The following MAD1L1 variants were observed in gnomAD, a reference collection of about 807,000 sequenced individuals.
MAD1L1 encodes mitotic arrest deficient 1 like 1.
In MAD1L1, 95 loss-of-function variants were observed where a neutral mutation model predicts 96.9. That is an observed-to-expected ratio of 0.98 (90% CI 0.83 to 1.16). The LOEUF is 1.16. Among genes scored for constraint, MAD1L1 ranks in the 50% most tolerant of loss-of-function variants. The probability of loss-of-function intolerance (pLI) is 0.00; values close to 1 mark genes in which losing one functional copy is unlikely to be tolerated. For synonymous variants in MAD1L1, 473 were observed against 396.6 expected, an observed-to-expected ratio of 1.19 and a Z score of -2.29; for missense variants, 1,007 against 954.4, an observed-to-expected ratio of 1.06 and a Z score of -0.73.
Position 1,831,251 on chromosome 7 carries a change from A to G in MAD1L1, c.1999-15023T>C, listed in dbSNP as rs866627145. Among the ~76,000 whole-genome samples, 7 of 152,326 alleles carry G rather than the reference A, an allele frequency of 4.6e-5. 1 individual carries two copies. In the Middle Eastern group the frequency reaches 0.014, roughly 296 times the overall value. ...TATTTCCAACTTTTTCATTACTAGT[A>G]TATCTTTTATGGTACTCTGTCATCT... On this transcript the variant is annotated intron_variant, in intron 18 of 18. Transcript: ENST00000265854.
intron 12 of MAD1L1, among the ~76,000 whole-genome samples, chr7:2,040,413 A>G (rs1489217558): frequency 6.6e-6 from 1 of 152,060 alleles, no homozygotes; most frequent in Non-Finnish European, 1.5e-5. Flanking sequence ...CCCAGGTCTC[A>G]TCGGTGTCGG....
chr7:1,853,527 C>A (rs1784087787), intron 18 of MAD1L1, among the ~76,000 whole-genome samples: 1 of 152,188 alleles, frequency 6.6e-6, no homozygotes, highest in Non-Finnish European at 1.5e-5. Flanking sequence ...CACAGAGGAC[C>A]TTATGCCATG....
At chr7:2,219,496 A>G in intron 5 of MAD1L1, 40 bp from the exon 6 acceptor site, 3 of 1,602,382 alleles carry the variant, frequency 1.9e-6, no homozygotes, top group Non-Finnish European at 1.7e-6. Flanking sequence ...CAGTGAGTGG[A>G]GCCCGTGCGT....
intron 12 of MAD1L1, among the ~76,000 whole-genome samples, chr7:2,055,148 C>A (rs566777205): frequency 6.6e-6 from 1 of 152,264 alleles, no homozygotes; most frequent in East Asian, 1.9e-4. Context: ...CGAGGCGGTG[C>A]GTGCCACGAC....
intron 17 of MAD1L1, among the ~76,000 whole-genome samples, chr7:1,933,661 G>A (rs1789610416): frequency 6.6e-6 from 1 of 152,246 alleles, no homozygotes; most frequent in Non-Finnish European, 1.5e-5. Context: ...TCCCAGGGAG[G>A]CAGCGGCCGA....
At chr7:2,008,682 C>T (rs1198024400) in intron 13 of MAD1L1, among the ~76,000 whole-genome samples, 5 of 152,304 alleles carry the variant, frequency 3.3e-5, no homozygotes, top group East Asian at 1.9e-4. Context: ...CAGCCCACCC[C>T]GGGCTGGGTG....
At chr7:2,222,239 A>G (rs1038491394) in intron 5 of MAD1L1, among the ~76,000 whole-genome samples, 3 of 151,840 alleles carry the variant, frequency 2.0e-5, no homozygotes, top group African/African-American at 4.8e-5. Flanking sequence ...ACCACCACGC[A>G]TGGCTAATTT....
In MAD1L1 at chr7:1,892,632, G is replaced by A. The variant is rs118052512; in HGVS notation, c.1998+5568C>T. Among the ~76,000 whole-genome samples, 210 of 152,264 alleles carry A rather than the reference G, an allele frequency of 1.4e-3. 7 individuals are homozygous for A. The East Asian group carries it at 0.034, about 25-fold the overall frequency. On this transcript the variant is annotated intron_variant, in intron 18 of 18. Transcript: ENST00000265854. Reference sequence around the variant, plus strand: ...GGAACATTCCCGACTTCAGGTTTTCGAATCGGGGAGGCTGGACCTGTATAC... The same window carrying A: ...GGAACATTCCCGACTTCAGGTTTTCAAATCGGGGAGGCTGGACCTGTATAC...
intron 16 of MAD1L1, among the ~76,000 whole-genome samples, chr7:1,951,931 T>C (rs967069275): frequency 9.2e-5 from 14 of 152,184 alleles, no homozygotes; most frequent in African/African-American, 2.4e-4. Context: ...TCCCTGCTTT[T>C]GGTTCTTCTG....
At chr7:2,049,666 G>A (rs1390747783) in intron 12 of MAD1L1, among the ~76,000 whole-genome samples, 1 of 152,224 alleles carries the variant, frequency 6.6e-6, no homozygotes, top group Non-Finnish European at 1.5e-5. Flanking sequence ...CACCCAAGGG[G>A]CACTGGGCAC....
intron 18 of MAD1L1, among the ~76,000 whole-genome samples, chr7:1,873,089 C>G (rs375934525): frequency 6.6e-6 from 1 of 152,242 alleles, no homozygotes; most frequent in Non-Finnish European, 1.5e-5. Context: ...CATGCCGAGC[C>G]GTGGAGGAGC....
chr7:1,942,466 T>C (rs1779046526), intron 16 of MAD1L1, among the ~76,000 whole-genome samples: 1 of 152,196 alleles, frequency 6.6e-6, no homozygotes, highest in Non-Finnish European at 1.5e-5. Flanking sequence ...CAGCAGGTGC[T>C]GGAAGTGCAG....
intron 18 of MAD1L1, among the ~76,000 whole-genome samples, chr7:1,879,331 T>C (rs943824686): frequency 2.6e-5 from 4 of 152,008 alleles, no homozygotes; most frequent in Admixed American, 6.6e-5. Context: ...GGCAGGCGCC[T>C]GTAATCCTAG....
intron 12 of MAD1L1, among the ~76,000 whole-genome samples, chr7:2,018,719 C>T (rs1782651719): frequency 6.6e-6 from 1 of 152,182 alleles, no homozygotes; most frequent in African/African-American, 2.4e-5. Context: ...GTGCCCCCTC[C>T]AATGAAGCAG....
At chr7:2,044,256 G>A (rs74802240) in intron 12 of MAD1L1, among the ~76,000 whole-genome samples, 1,579 of 152,304 alleles carry the variant, frequency 0.01, 25 homozygotes, top group African/African-American at 0.036. Flanking sequence ...GTGAGGACAC[G>A]CTGGGACAAT....
intron 17 of MAD1L1, among the ~76,000 whole-genome samples, chr7:1,926,710 TA>T (rs1314773381): frequency 2.0e-5 from 3 of 152,002 alleles, no homozygotes; most frequent in African/African-American, 7.3e-5. Context: ...CTCAGCAAAC[TA>T]AGAATGGAAA....
chr7:2,016,009 C>T (rs1782524848), intron 12 of MAD1L1, among the ~76,000 whole-genome samples: 1 of 152,202 alleles, frequency 6.6e-6, no homozygotes. Context: ...GTTCAAGCCC[C>T]AGCTCTGTCC....
At chr7:1,982,875 A>G (rs574992920) in intron 14 of MAD1L1, among the ~76,000 whole-genome samples, 1 of 152,254 alleles carries the variant, frequency 6.6e-6, no homozygotes, top group East Asian at 1.9e-4. Flanking sequence ...GAAATTACCC[A>G]TATATTCCTA....
chr7:2,007,799 C>T (rs1782101303), intron 13 of MAD1L1, among the ~76,000 whole-genome samples: 1 of 152,262 alleles, frequency 6.6e-6, no homozygotes, highest in South Asian at 2.1e-4. Context: ...TCTGTCCCAG[C>T]TGGCAAGAAT....
Sources: gnomAD v4.1 joint callset for allele counts (sites outside exome capture counted in the v4.1 genomes callset) on GRCh38, gnomAD v4.1.1 for gene constraint, MANE v1.5 for transcripts, NCBI Gene and HGNC (gene_info 2026-07-23, HGNC 2026-07-21) for gene names.